Variants in MORN5 observed in about 807,000 individuals in gnomAD.
MORN5 encodes MORN repeat containing 5.
A neutral mutation model predicts 22.1 loss-of-function variants in MORN5; 21 were observed. The observed-to-expected ratio is 0.95, with a 90% confidence interval of 0.67 to 1.37. The LOEUF (loss-of-function observed/expected upper bound fraction) is 1.37, where lower values mean the gene tolerates loss of function less well. Ranked by LOEUF, MORN5 falls within the 40% of genes most tolerant of loss-of-function variation. MORN5 has a pLI of 0.00. For missense variants in MORN5, 211 were observed against 215.1 expected (o/e 0.98, Z 0.12); for synonymous variants, 73 against 74.0 (o/e 0.99, Z 0.07).
At chr9:122,160,314 G>A (rs941441943) in intron 1 of MORN5, among the ~76,000 whole-genome samples, 1 of 152,168 alleles carries the variant, frequency 6.6e-6, no homozygotes, top group Non-Finnish European at 1.5e-5. Context: ...TCCAGTTGGA[G>A]ATGTATTGCC....
In MORN5 at chr9:122,199,999, G is replaced by A. The variant is rs2150100; in HGVS notation, c.*68G>A. ...CTGCCTCCACCAGAGGTTTCCATCT[G>A]CCCTACTAGCATTGGCTGCCCTGGG... On this transcript the variant is annotated 3_prime_UTR_variant, in exon 5 of 5. Coordinates refer to ENST00000373764, the MANE Select transcript of MORN5 (RefSeq NM_198469.4). 1.7e-3 allele frequency: 2,619 copies of A among 1,524,174 alleles called. 46 individuals are homozygous for A. The African/African-American group carries it at 0.033, about 19-fold the overall frequency. 94.4% of individuals were successfully genotyped at this position (1,524,174 alleles called of 1,614,324 possible).
At chr9:122,178,227 A>G (rs1478915999) in intron 4 of MORN5, among the ~76,000 whole-genome samples, 1 of 152,076 alleles carries the variant, frequency 6.6e-6, no homozygotes, top group Non-Finnish European at 1.5e-5. Flanking sequence ...AGTTGCTCCC[A>G]CCTGTAAACC....
intron 3 of MORN5, among the ~76,000 whole-genome samples, chr9:122,171,002 T>G (rs367947885): frequency 7.3e-5 from 11 of 151,700 alleles, no homozygotes; most frequent in Non-Finnish European, 8.8e-5. Flanking sequence ...AATAAAAAAA[T>G]AAAAAAAGAA....
At chr9:122,164,817 C>A (rs1046488226) in intron 1 of MORN5, among the ~76,000 whole-genome samples, 22 of 152,186 alleles carry the variant, frequency 1.4e-4, no homozygotes, top group African/African-American at 5.3e-4. Flanking sequence ...AAATAGTTTT[C>A]AATTTCTTGT....
In MORN5 at chr9:122,170,807, G is replaced by A. The variant is rs115440592; in HGVS notation, c.307+1051G>A. Among the ~76,000 whole-genome samples the A allele has an allele frequency of 9.5e-3, 1,444 of 152,260 alleles. 21 individuals carry two copies. Among genetic ancestry groups the A allele is most frequent in the African/African-American group, 0.032 (1,312 of 41,536 alleles). The stretch of plus-strand genomic sequence containing the variant: ...GAGTGGCACCTTAAAATTTTGAGAC[G>A]TGTTCCAGGTCAGGTGAGCCTCAAG... On this transcript the variant is annotated intron_variant, in intron 3 of 4. Transcript: ENST00000373764.
At chr9:122,175,620 A>G in intron 4 of MORN5, 1 of 985,136 alleles carries the variant, frequency 1.0e-6, no homozygotes, top group Non-Finnish European at 1.2e-6. Context: ...ACATGCATAC[A>G]CACACACATT....
intron 3 of MORN5, among the ~76,000 whole-genome samples, chr9:122,173,623 T>C (rs1275097536): frequency 6.6e-6 from 1 of 152,162 alleles, no homozygotes; most frequent in Non-Finnish European, 1.5e-5. Context: ...GAGAAGTTAT[T>C]TATTCCAACC....
intron 4 of MORN5, among the ~76,000 whole-genome samples, chr9:122,191,016 C>T (rs1829751104): frequency 1.3e-5 from 2 of 152,242 alleles, no homozygotes; most frequent in Non-Finnish European, 2.9e-5. Context: ...CCTAGACCCC[C>T]CCAAAAGACG....
intron 4 of MORN5, among the ~76,000 whole-genome samples, chr9:122,181,714 T>C (rs1210440991): frequency 6.6e-6 from 1 of 152,206 alleles, no homozygotes; most frequent in Non-Finnish European, 1.5e-5. Flanking sequence ...GATCTACCAC[T>C]GACCAGCTCT....
chr9:122,181,386 G>C (rs1015910318), intron 4 of MORN5, among the ~76,000 whole-genome samples: 2 of 152,128 alleles, frequency 1.3e-5, no homozygotes, highest in African/African-American at 2.4e-5. Context: ...GGGAAACTAG[G>C]TCTTGGAGCG....
chr9:122,181,161 G>A (rs899709221), intron 4 of MORN5, among the ~76,000 whole-genome samples: 3 of 152,260 alleles, frequency 2.0e-5, no homozygotes, highest in Non-Finnish European at 2.9e-5. Context: ...AAATCTGGTT[G>A]CAGTTTTTGT....
intron 3 of MORN5, 48 bp downstream of exon 3, chr9:122,169,804 C>G: frequency 8.0e-7 from 1 of 1,256,118 alleles, no homozygotes; most frequent in Non-Finnish European, 1.2e-6. Context: ...GAGAGGGAAA[C>G]TAAGACAGTT....
chr9:122,169,866 T>C (rs117914705), intron 3 of MORN5, 110 bp downstream of exon 3: 3 of 794,590 alleles, frequency 3.8e-6, no homozygotes, highest in East Asian at 2.5e-5. Context: ...GAAGAGGAAC[T>C]GAGCAGGCGT....
At chr9:122,188,512 C>T (rs980240010) in intron 4 of MORN5, among the ~76,000 whole-genome samples, 1 of 152,234 alleles carries the variant, frequency 6.6e-6, no homozygotes, top group Admixed American at 6.5e-5. Flanking sequence ...AACAGGCTCC[C>T]GCCTGCCGGG....
At position 122,199,878 on chromosome 9, in the gene MORN5, C is replaced by T. The variant is rs745331339; in HGVS notation, c.440-7C>T. 1.5e-5 allele frequency: 25 copies of T among 1,613,920 alleles called. No individual in the cohort carries two copies. The East Asian group carries it at 5.6e-4, about 36-fold the overall frequency. On this transcript the variant is annotated splice_region_variant and splice_polypyrimidine_tract_variant and intron_variant, in intron 4 of 4. Coordinates refer to ENST00000373764, the MANE Select transcript of MORN5 (RefSeq NM_198469.4). ...AAGCATGACCAGCTCTTCCTCTTTC[C>T]TTGCAGATGATGACGAGCATGAGTG...
At chr9:122,187,810 A>G (rs1829668986) in intron 4 of MORN5, among the ~76,000 whole-genome samples, 1 of 152,260 alleles carries the variant, frequency 6.6e-6, no homozygotes, top group Non-Finnish European at 1.5e-5. Context: ...CAGTGGTGCC[A>G]GGAGCTACAT....
At chr9:122,171,945 TC>T (rs1291484140) in intron 3 of MORN5, among the ~76,000 whole-genome samples, 126 of 120,848 alleles carry the variant, frequency 1.0e-3, no homozygotes, top group Middle Eastern at 4.2e-3. Context: ...GTCACTTCCA[TC>T]TTTTTTTTTT....
chr9:122,181,042 A>T (rs1364483475), intron 4 of MORN5, among the ~76,000 whole-genome samples: 2 of 152,252 alleles, frequency 1.3e-5, no homozygotes. Context: ...CATGATAGAC[A>T]ACTTATGATT....
Position 122,165,395 on chromosome 9 carries a change from CAAAAAAAAA to C in MORN5, c.48-1356_48-1348del, listed in dbSNP as rs59306308. ...GCAACATAGGGAAACCCCGTCTCTA[CAAAAAAAAA>C]AAAAAAAAAAAAAAAATTAAATAAG... is the stretch of plus-strand genomic sequence containing the variant. On this transcript the variant is annotated intron_variant, in intron 1 of 4. Transcript: ENST00000373764. 1.7e-4 allele frequency among the ~76,000 whole-genome samples: 14 copies of C among 82,948 alleles called. 1 individual carries two copies. Among genetic ancestry groups the C allele is most frequent in the African/African-American group, 3.4e-4 (6 of 17,396 alleles). 54.4% of individuals were successfully genotyped at this position (82,948 alleles called of 152,430 possible).
Sources: allele counts gnomAD v4.1 joint callset (sites outside exome capture counted in the v4.1 genomes callset), GRCh38; gene constraint gnomAD v4.1.1; transcripts MANE v1.5; gene names NCBI Gene and HGNC (gene_info 2026-07-23, HGNC 2026-07-21).